The following SLC5A8 variants were observed in gnomAD, a reference collection of about 807,000 sequenced individuals.
The protein encoded by SLC5A8 is solute carrier family 5 member 8, also known as sodium-coupled monocarboxylate transporter 1.
Under a neutral mutation model 71.9 loss-of-function variants are expected in SLC5A8, and 55 were observed. The ratio of observed to expected loss-of-function variants is 0.77; its 90% CI spans 0.62 to 0.96. SLC5A8 has a LOEUF of 0.96. Ranked by LOEUF, SLC5A8 falls within the 40% of genes least tolerant of loss-of-function variation. SLC5A8 has a pLI of 0.00. For synonymous variants in SLC5A8, 307 were observed against 276.1 expected, an observed-to-expected ratio of 1.11 and a Z score of -1.11; for missense variants, 701 against 745.3, an observed-to-expected ratio of 0.94 and a Z score of 0.69.
chr12:101,198,860 C>T (rs1869311039), intron 3 of SLC5A8, among the ~76,000 whole-genome samples: 1 of 151,608 alleles, frequency 6.6e-6, no homozygotes, highest in South Asian at 2.1e-4. Context: ...AGGGTTTATC[C>T]CAAGAATGCA....
intron 1 of SLC5A8, among the ~76,000 whole-genome samples, chr12:101,205,519 A>G (rs1459237921): frequency 6.6e-6 from 1 of 152,210 alleles, no homozygotes; most frequent in African/African-American, 2.4e-5. Context: ...TATAATTACT[A>G]AGAAGTTTAA....
Position 101,210,137 on chromosome 12 carries a change from C to T in SLC5A8, c.-289G>A. ...TCACCACGTGAGGAACTGGAGTGGCCGAGTTCGCCAAGGCGCCGGGGACAC... is the reference window on the plus strand; with the variant it reads ...TCACCACGTGAGGAACTGGAGTGGCTGAGTTCGCCAAGGCGCCGGGGACAC... On this transcript the variant is annotated 5_prime_UTR_variant, in exon 1 of 15. Transcript: ENST00000536262. 2.5e-6 allele frequency: 1 copy of T among 397,766 alleles called. No homozygotes were observed. Among genetic ancestry groups the T allele is most frequent in the South Asian group, 8.8e-5 (1 of 11,330 alleles). The allele number at this position is 397,766 out of a possible 1,614,324, so 24.6% of individuals were successfully genotyped here. A position where few individuals can be genotyped will look rare whatever the true frequency, so the allele number is the denominator to read the frequency against.
intron 9 of SLC5A8, 97 bp downstream of exon 9, chr12:101,182,706 G>A: frequency 1.3e-6 from 1 of 754,702 alleles, no homozygotes; most frequent in Non-Finnish European, 2.2e-6. Flanking sequence ...GTCATATTCA[G>A]AGGTCCTTCC....
intron 13 of SLC5A8, among the ~76,000 whole-genome samples, chr12:101,158,550 GTCTCTCTCTC>G (rs372186123): frequency 0.025 from 1,225 of 48,102 alleles, 25 homozygotes; most frequent in Middle Eastern, 0.034. Context: ...ATAAATATGA[GTCTCTCTCTC>G]TCTCTCTCTC....
intron 13 of SLC5A8, among the ~76,000 whole-genome samples, chr12:101,161,752 C>A (rs1593360465): frequency 6.6e-6 from 1 of 152,138 alleles, no homozygotes; most frequent in East Asian, 1.9e-4. Context: ...ATGTGACTTG[C>A]CCAAGTTCAT....
At chr12:101,187,057 A>C (rs1868673764) in intron 7 of SLC5A8, among the ~76,000 whole-genome samples, 1 of 152,178 alleles carries the variant, frequency 6.6e-6, no homozygotes, top group Non-Finnish European at 1.5e-5. Flanking sequence ...CTATAGTACA[A>C]TGGTTTGTGT....
intron 3 of SLC5A8, among the ~76,000 whole-genome samples, chr12:101,197,547 G>T (rs1869239205): frequency 6.6e-6 from 1 of 152,124 alleles, no homozygotes; most frequent in South Asian, 2.1e-4. Flanking sequence ...CCATACAGAT[G>T]TAATTGTTAA....
intron 2 of SLC5A8, 116 bp from the exon 3 acceptor site, chr12:101,202,331 A>G: frequency 1.0e-6 from 1 of 995,808 alleles, no homozygotes; most frequent in Non-Finnish European, 1.4e-6. Context: ...TTAAAACAAC[A>G]GTTTCAAAAC....
At chr12:101,209,475 T>TA in intron 1 of SLC5A8, 23 bp downstream of exon 1, 1 of 1,444,736 alleles carries the variant, frequency 6.9e-7, no homozygotes, top group African/African-American at 1.4e-5. Context: ...CCCTGCATGG[T>TA]CCCAGCCCAC....
At chr12:101,192,061 C>T (rs141573590) in intron 5 of SLC5A8, among the ~76,000 whole-genome samples, 27 of 152,258 alleles carry the variant, frequency 1.8e-4, no homozygotes, top group African/African-American at 6.5e-4. Context: ...TTTCCACTTC[C>T]TGGACTTCCC....
Position 101,190,041 on chromosome 12 carries a change from A to T in SLC5A8, c.833+427T>A, listed in dbSNP as rs117211787. On this transcript the variant is annotated intron_variant, in intron 6 of 14. Coordinates refer to ENST00000536262, the MANE Select transcript of SLC5A8 (RefSeq NM_145913.5). ...TTATAAATCCATGACTGTGTCTGAA[A>T]ATGAAATATAAAGCACTATATGTAC... is the stretch of plus-strand genomic sequence containing the variant. Among the ~76,000 whole-genome samples the T allele has an allele frequency of 2.8e-3, 420 of 152,334 alleles. 18 individuals are homozygous for T. The East Asian group carries it at 0.076, about 28-fold the overall frequency.
chr12:101,177,477 A>G (rs1331610860), intron 10 of SLC5A8, among the ~76,000 whole-genome samples: 2 of 150,722 alleles, frequency 1.3e-5, no homozygotes, highest in Non-Finnish European at 3.0e-5. Context: ...ACACACACAC[A>G]CGCATGCATG....
At chr12:101,181,319 A>T (rs1261064114) in intron 9 of SLC5A8, among the ~76,000 whole-genome samples, 1 of 152,246 alleles carries the variant, frequency 6.6e-6, no homozygotes, top group African/African-American at 2.4e-5. Flanking sequence ...ATAGGTTATG[A>T]ATAGTCACCA....
intron 6 of SLC5A8, among the ~76,000 whole-genome samples, chr12:101,188,428 G>A (rs562268779): frequency 6.6e-6 from 1 of 152,116 alleles, no homozygotes; most frequent in African/African-American, 2.4e-5. Flanking sequence ...GTGGAAAAGA[G>A]GTACCATCCC....
rs762262514 is a variant in SLC5A8 at position 101,187,411 on chromosome 12, G to A, written c.938C>T (p.Ala313Val). 5 of 1,613,696 alleles carry A rather than the reference G, an allele frequency of 3.1e-6. No individual in the cohort carries two copies. The highest frequency in any genetic ancestry group is 4.2e-6 in the Non-Finnish European group (5 of 1,179,818). Residue 313 changes from alanine to valine, a missense_variant, in exon 7 of 15, where the codon GCC (alanine) becomes GTC (valine). Transcript: ENST00000536262. ...SRYHDCDPWT[A>V]KKVSAPDQLM... ...CTGGTCTGGTGCAGACACTTTCTTG[G>A]CTGTCCAAGGATCACAGTCATGGTA...
chr12:101,208,700 C>T, intron 1 of SLC5A8, among the ~76,000 whole-genome samples: 1 of 152,150 alleles, frequency 6.6e-6, no homozygotes, highest in East Asian at 1.9e-4. Context: ...GTTTGAGAAC[C>T]TTGCTGCCTA....
intron 12 of SLC5A8, among the ~76,000 whole-genome samples, chr12:101,164,929 T>C (rs140731979): frequency 5.1e-4 from 78 of 152,362 alleles, no homozygotes; most frequent in African/African-American, 1.8e-3. Context: ...GAAGTCTTCA[T>C]GCTAACTTAC....
chr12:101,161,426 TG>T (rs919101151), intron 13 of SLC5A8, among the ~76,000 whole-genome samples: 1 of 152,082 alleles, frequency 6.6e-6, no homozygotes, highest in African/African-American at 2.4e-5. Context: ...TTATATACTA[TG>T]TGTATCAATT....
Position 101,204,551 on chromosome 12 carries a change from T to C in SLC5A8, c.366A>G (p.Arg122=). 6.2e-7 allele frequency: 1 copy of C among 1,600,938 alleles called. No homozygotes were observed. The highest frequency in any genetic ancestry group is 8.5e-7 in the Non-Finnish European group (1 of 1,175,504). Residue 122 remains arginine (R), a synonymous_variant, in exon 2 of 15, where the codon CGA becomes CGG. Coordinates refer to ENST00000536262, the MANE Select transcript of SLC5A8 (RefSeq NM_145913.5). ...ITSTYEYLEL[R]FNKCVRLCGT... ...CACAGAGACGAACACATTTGTTAAA[T>C]CGAAGTTCTAAATACTGTTGCAAAA...
Sources: gnomAD v4.1 joint callset for allele counts (sites outside exome capture counted in the v4.1 genomes callset) on GRCh38, gnomAD v4.1.1 for gene constraint, MANE v1.5 for transcripts, NCBI Gene and HGNC (gene_info 2026-07-23, HGNC 2026-07-21) for gene names.